Variants in LY86 observed in about 807,000 individuals in gnomAD.
The protein encoded by LY86 is MD-1, RP105-associated.
In LY86, 20 loss-of-function variants were observed where a neutral mutation model predicts 17.3. The ratio of observed to expected loss-of-function variants is 1.15; its 90% CI spans 0.81 to 1.68. The LOEUF (loss-of-function observed/expected upper bound fraction) is 1.68, where lower values mean the gene tolerates loss of function less well. Among genes scored for constraint, LY86 ranks in the 40% most tolerant of loss-of-function variants. LY86 has a pLI of 0.00. For missense variants in LY86, 200 were observed against 191.9 expected (o/e 1.04, Z -0.25); for synonymous variants, 74 against 70.6 (o/e 1.05, Z -0.24).
chr6:6,615,719 C>CAA (rs373207405), intron 1 of LY86, among the ~76,000 whole-genome samples: 1,283 of 91,614 alleles, frequency 0.014, 32 homozygotes, highest in African/African-American at 0.02. Flanking sequence ...GATGTTGTCT[C>CAA]AAAAAAAAAA....
At chr6:6,616,557 ACCT>A (rs1396398123) in intron 1 of LY86, among the ~76,000 whole-genome samples, 1 of 152,106 alleles carries the variant, frequency 6.6e-6, no homozygotes, top group Non-Finnish European at 1.5e-5. Context: ...GCATTTGAGG[ACCT>A]CCTGGTACGT....
At chr6:6,621,906 C>T (rs1304149703) in intron 1 of LY86, among the ~76,000 whole-genome samples, 2 of 151,668 alleles carry the variant, frequency 1.3e-5, no homozygotes, top group African/African-American at 4.8e-5. Context: ...ATGCAAAGTG[C>T]CTGAGTGGAA....
intron 1 of LY86, among the ~76,000 whole-genome samples, chr6:6,597,039 T>C (rs761663388): frequency 1.3e-5 from 2 of 152,188 alleles, no homozygotes; most frequent in Non-Finnish European, 2.9e-5. Flanking sequence ...AGGAGAATCT[T>C]TGGAGAGGTA....
chr6:6,622,115 CT>C (rs1761695054), intron 1 of LY86, among the ~76,000 whole-genome samples: 5 of 152,172 alleles, frequency 3.3e-5, no homozygotes, highest in Non-Finnish European at 5.9e-5. Context: ...TGTCTTTCTG[CT>C]TTTATATACA....
chr6:6,634,106 C>T lies in LY86; in HGVS notation c.352+7685C>T, dbSNP rs1032902115. ...GCCCACAAGAACTGCTGATTCATGG[C>T]GCATCCATGCCTGCACAAGCCACTT... On this transcript the variant is annotated intron_variant, in intron 3 of 4. Transcript: ENST00000230568. Among the ~76,000 whole-genome samples the T allele has an allele frequency of 3.9e-5, 6 of 152,238 alleles. No individual in the cohort carries two copies. The East Asian group carries it at 5.8e-4, about 15-fold the overall frequency.
At chr6:6,609,390 C>T (rs566803704) in intron 1 of LY86, among the ~76,000 whole-genome samples, 3 of 152,358 alleles carry the variant, frequency 2.0e-5, no homozygotes, top group African/African-American at 7.2e-5. Flanking sequence ...GGAACTCCCA[C>T]TGGGTATCCA....
At chr6:6,617,151 GT>G (rs1445304554) in intron 1 of LY86, among the ~76,000 whole-genome samples, 3 of 152,212 alleles carry the variant, frequency 2.0e-5, no homozygotes, top group Admixed American at 6.5e-5. Context: ...AAAGAGGCAA[GT>G]TCCCCTGATG....
At chr6:6,652,326 C>T (rs1454948068) in intron 4 of LY86, among the ~76,000 whole-genome samples, 2 of 152,108 alleles carry the variant, frequency 1.3e-5, no homozygotes, top group Non-Finnish European at 2.9e-5. Flanking sequence ...TAATATGGAA[C>T]AGACACAGTT....
chr6:6,596,766 C>G (rs1242906778), intron 1 of LY86, among the ~76,000 whole-genome samples: 3 of 152,132 alleles, frequency 2.0e-5, no homozygotes. Flanking sequence ...GTTCCTGTGA[C>G]CACGCCACCA....
At chr6:6,628,142 CAGAATGGTGAACTCATCATT>C (rs1213239948) in intron 3 of LY86, among the ~76,000 whole-genome samples, 2 of 152,080 alleles carry the variant, frequency 1.3e-5, no homozygotes, top group African/African-American at 2.4e-5. Context: ...TGCATTTCCT[CAGAATGGTGAACTCATCATT>C]AGTCCGTCCC....
At chr6:6,599,211 C>T (rs1189427535) in intron 1 of LY86, among the ~76,000 whole-genome samples, 1 of 152,218 alleles carries the variant, frequency 6.6e-6, no homozygotes, top group African/African-American at 2.4e-5. Context: ...TCCTTCCCAT[C>T]TTTGTTATCA....
intron 3 of LY86, among the ~76,000 whole-genome samples, chr6:6,627,204 C>T (rs1370845779): frequency 6.6e-6 from 1 of 152,194 alleles, no homozygotes; most frequent in African/African-American, 2.4e-5. Flanking sequence ...CAGGGCATAC[C>T]CCCAATACAC....
intron 1 of LY86, among the ~76,000 whole-genome samples, chr6:6,611,449 G>A (rs2113115123): frequency 6.6e-6 from 1 of 152,280 alleles, no homozygotes; most frequent in South Asian, 2.1e-4. Context: ...CATACGTAGG[G>A]CTCAGAACAG....
At chr6:6,614,249 G>C (rs561638044) in intron 1 of LY86, among the ~76,000 whole-genome samples, 1 of 152,256 alleles carries the variant, frequency 6.6e-6, no homozygotes, top group Admixed American at 6.5e-5. Flanking sequence ...CTGAGAGTGT[G>C]AACCTTGACT....
chr6:6,614,903 A>G (rs1761515864), intron 1 of LY86, among the ~76,000 whole-genome samples: 1 of 152,110 alleles, frequency 6.6e-6, no homozygotes, highest in African/African-American at 2.4e-5. Flanking sequence ...GACAGGAGCC[A>G]GAGACATGAA....
At chr6:6,631,802 A>T (rs1761902818) in intron 3 of LY86, among the ~76,000 whole-genome samples, 1 of 152,238 alleles carries the variant, frequency 6.6e-6, no homozygotes, top group Non-Finnish European at 1.5e-5. Flanking sequence ...ATGAGTGGAC[A>T]TGGCTGTGTG....
chr6:6,612,474 C>G (rs966840376), intron 1 of LY86, among the ~76,000 whole-genome samples: 1 of 152,154 alleles, frequency 6.6e-6, no homozygotes, highest in Non-Finnish European at 1.5e-5. Context: ...AAAAGCAATG[C>G]AGACCCAAAG....
intron 3 of LY86, among the ~76,000 whole-genome samples, chr6:6,642,190 G>A (rs1762049479): frequency 6.6e-6 from 1 of 152,224 alleles, no homozygotes; most frequent in Admixed American, 6.5e-5. Flanking sequence ...CCCAGTCCTT[G>A]GCTACAGGCC....
chr6:6,591,008 T>C (rs1760509933), intron 1 of LY86: 1 of 153,162 alleles, frequency 6.5e-6, no homozygotes. Context: ...ACTCTAGGTT[T>C]TCCCATGGCG....
Sources: allele counts gnomAD v4.1 joint callset (sites outside exome capture counted in the v4.1 genomes callset), GRCh38; gene constraint gnomAD v4.1.1; transcripts MANE v1.5; gene names NCBI Gene and HGNC (gene_info 2026-07-23, HGNC 2026-07-21).